SRBD1: variants seen among roughly 807,000 people sequenced by gnomAD.
SRBD1 encodes S1 RNA binding domain 1.
A neutral mutation model predicts 115.3 loss-of-function variants in SRBD1; 88 were observed. The ratio of observed to expected loss-of-function variants is 0.76; its 90% CI spans 0.64 to 0.91. The LOEUF is 0.91. SRBD1 is among the 40% of genes least tolerant of loss of function. The probability of loss-of-function intolerance (pLI) is 0.00; values close to 1 mark genes in which losing one functional copy is unlikely to be tolerated. For synonymous variants in SRBD1, 509 were observed against 407.7 expected, an observed-to-expected ratio of 1.25 and a Z score of -2.99; for missense variants, 1,385 against 1,177.4, an observed-to-expected ratio of 1.18 and a Z score of -2.58.
intron 16 of SRBD1, among the ~76,000 whole-genome samples, chr2:45,450,349 G>A (rs1017656172): frequency 1.3e-5 from 2 of 152,102 alleles, no homozygotes; most frequent in African/African-American, 4.8e-5. Flanking sequence ...TGAAATTGTA[G>A]GTATAATTGA....
In SRBD1 at chr2:45,393,076, T is replaced by A. The variant is rs116583600; in HGVS notation, c.2567A>T (p.Gln856Leu). ...TTCAAGGAATGAATTTATTTTTTGT[T>A]GCATTTCAGGCTTTCCAACCTCATA... ...TLYEVGKPEM[Q>L]QKINSFLEKE... Residue 856 changes from glutamine (Q) to leucine (L), a missense_variant, in exon 20 of 21, where the codon CAA becomes CTA. Coordinates refer to ENST00000263736, the MANE Select transcript of SRBD1 (RefSeq NM_018079.5). 6,812 of 1,613,846 alleles carry A rather than the reference T, an allele frequency of 4.2e-3. 20 individuals are homozygous for A. The highest frequency in any genetic ancestry group is 5.2e-3 in the Non-Finnish European group (6,110 of 1,179,926).
intron 10 of SRBD1, among the ~76,000 whole-genome samples, chr2:45,561,841 T>C (rs922955156): frequency 6.6e-6 from 1 of 152,216 alleles, no homozygotes; most frequent in Non-Finnish European, 1.5e-5. Context: ...AAATATCTAA[T>C]AAATTTAATG....
intron 16 of SRBD1, among the ~76,000 whole-genome samples, chr2:45,427,351 A>G (rs933609596): frequency 1.3e-5 from 2 of 152,142 alleles, no homozygotes; most frequent in Non-Finnish European, 2.9e-5. Context: ...TAGAGTCAAG[A>G]CCCATCAGTG....
chr2:45,462,659 A>G lies in SRBD1; in HGVS notation c.2049+14334T>C, dbSNP rs574005714. Among the ~76,000 whole-genome samples the G allele has an allele frequency of 1.3e-3, 202 of 151,800 alleles. 1 individual carries two copies. Among genetic ancestry groups the G allele is most frequent in the Non-Finnish European group, 2.1e-3 (141 of 67,942 alleles). ...AAACCCCGTCTGTACTAAAAAAAAA[A>G]AAATACAAAAAAAAAAATTAGCCAG... On this transcript the variant is annotated intron_variant, in intron 16 of 20. Coordinates refer to ENST00000263736, the MANE Select transcript of SRBD1 (RefSeq NM_018079.5).
chr2:45,403,559 C>T (rs1667347651), intron 19 of SRBD1, among the ~76,000 whole-genome samples: 1 of 152,126 alleles, frequency 6.6e-6, no homozygotes, highest in Admixed American at 6.6e-5. Flanking sequence ...TTGGAGCTTA[C>T]AGCCAATAAT....
At chr2:45,570,867 TACTC>T (rs1426692676) in intron 9 of SRBD1, among the ~76,000 whole-genome samples, 1 of 152,100 alleles carries the variant, frequency 6.6e-6, no homozygotes, top group Non-Finnish European at 1.5e-5. Flanking sequence ...CCTTGGAACT[TACTC>T]AGGACAGAAG....
intron 19 of SRBD1, among the ~76,000 whole-genome samples, chr2:45,401,402 T>C (rs1013626887): frequency 6.6e-6 from 1 of 152,202 alleles, no homozygotes; most frequent in African/African-American, 2.4e-5. Context: ...TAGCCATAGG[T>C]CTATTAGAAA....
chr2:45,479,691 T>C lies in SRBD1; in HGVS notation c.1967-2616A>G, dbSNP rs112042502. On this transcript the variant is annotated intron_variant, in intron 15 of 20. Coordinates refer to ENST00000263736, the MANE Select transcript of SRBD1 (RefSeq NM_018079.5). ...CAAGGTGAAACAGCAATTGCTGATG[T>C]AGAAGCTGTAGCAAGTTGTCCAGAA... 7.3e-3 allele frequency among the ~76,000 whole-genome samples: 1,114 copies of C among 152,344 alleles called. 15 individuals are homozygous for C. The highest frequency in any genetic ancestry group is 0.026 in the African/African-American group (1,065 of 41,584).
chr2:45,498,880 T>C (rs1001438332), intron 14 of SRBD1, among the ~76,000 whole-genome samples: 1 of 152,262 alleles, frequency 6.6e-6, no homozygotes, highest in South Asian at 2.1e-4. Flanking sequence ...CCACATTTTC[T>C]TTATCCATTC....
rs577069705 is a variant in SRBD1, at chr2:45,478,359, C to T, written c.1967-1284G>A. Among the ~76,000 whole-genome samples, 21 of 152,342 alleles carry T rather than the reference C, an allele frequency of 1.4e-4. No individual in the cohort carries two copies. In the East Asian group the frequency reaches 4.0e-3, roughly 29 times the overall value. ...CTTCTCTAATCAGACATAAGATCTA[C>T]TTATCTACTGTGAACATCAAGTTCA... On this transcript the variant is annotated intron_variant, in intron 15 of 20. Transcript: ENST00000263736.
At position 45,454,474 on chromosome 2, in the gene SRBD1, T is replaced by C. The variant is rs181044109; in HGVS notation, c.2049+22519A>G. 9.2e-4 allele frequency among the ~76,000 whole-genome samples: 140 copies of C among 151,988 alleles called. 1 individual carries two copies. Among genetic ancestry groups the C allele is most frequent in the Middle Eastern group, 6.8e-3 (2 of 294 alleles). On this transcript the variant is annotated intron_variant, in intron 16 of 20. Coordinates refer to ENST00000263736, the MANE Select transcript of SRBD1 (RefSeq NM_018079.5). ...GTTGTACATTTCTTTAGGTACAAAT[T>C]TACTTTTCCACCCAACGGCACTGTG... is the stretch of plus-strand genomic sequence containing the variant.
intron 20 of SRBD1, among the ~76,000 whole-genome samples, chr2:45,389,980 G>T (rs1666952993): frequency 6.6e-6 from 1 of 152,098 alleles, no homozygotes; most frequent in African/African-American, 2.4e-5. Context: ...CAAGAGACTG[G>T]AAGCTTTTTT....
chr2:45,388,974 G>A lies in SRBD1; in HGVS notation c.*336C>T, dbSNP rs1666920987. On this transcript the variant is annotated 3_prime_UTR_variant, in exon 21 of 21. Transcript: ENST00000263736. ...CCCATACAAGTCCAGCAAGGCAGATGTTGGCAAGTAGAAGTTAAGCAATCT... is the reference window on the plus strand; with the variant it reads ...CCCATACAAGTCCAGCAAGGCAGATATTGGCAAGTAGAAGTTAAGCAATCT... 1 of 225,306 alleles carries A rather than the reference G, an allele frequency of 4.4e-6. No homozygotes were observed. The highest frequency in any genetic ancestry group is 5.1e-5 in the Admixed American group (1 of 19,536). 14.0% of individuals were successfully genotyped at this position (225,306 alleles called of 1,614,324 possible).
At chr2:45,472,993 T>G (rs1669696561) in intron 16 of SRBD1, among the ~76,000 whole-genome samples, 1 of 151,920 alleles carries the variant, frequency 6.6e-6, no homozygotes, top group Non-Finnish European at 1.5e-5. Context: ...TGCACATATG[T>G]AAGTTAGAGC....
At chr2:45,527,739 A>C (rs1015369785) in intron 14 of SRBD1, among the ~76,000 whole-genome samples, 2 of 151,918 alleles carry the variant, frequency 1.3e-5, no homozygotes, top group African/African-American at 4.8e-5. Context: ...AGGGAGATTA[A>C]GTAACTTAAG....
chr2:45,396,172 C>T (rs1185359094), intron 19 of SRBD1, among the ~76,000 whole-genome samples: 1 of 151,904 alleles, frequency 6.6e-6, no homozygotes, highest in Non-Finnish European at 1.5e-5. Flanking sequence ...TTGTCCAAGG[C>T]CATGATGTTA....
Position 45,513,421 on chromosome 2 carries a change from G to GA in SRBD1, c.1875-25091dup, listed in dbSNP as rs10658092. The stretch of plus-strand genomic sequence containing the variant: ...CCTCTTCTCCAGAATGCCCCTTAAG[G>GA]AAAAAAAAAAAACAACTGACCAGTT... On this transcript the variant is annotated intron_variant, in intron 14 of 20. Coordinates refer to ENST00000263736, the MANE Select transcript of SRBD1 (RefSeq NM_018079.5). Among the ~76,000 whole-genome samples, 102 of 145,226 alleles carry GA rather than the reference G, an allele frequency of 7.0e-4. 2 individuals carry two copies. Among genetic ancestry groups the GA allele is most frequent in the Middle Eastern group, 3.6e-3 (1 of 274 alleles).
intron 16 of SRBD1, among the ~76,000 whole-genome samples, chr2:45,461,387 A>T (rs1334549680): frequency 6.6e-6 from 1 of 152,222 alleles, no homozygotes; most frequent in Non-Finnish European, 1.5e-5. Flanking sequence ...ACTGCTGGGA[A>T]GATGACCTGT....
chr2:45,431,177 T>C (rs1469336770), intron 16 of SRBD1, among the ~76,000 whole-genome samples: 3 of 152,140 alleles, frequency 2.0e-5, no homozygotes, highest in Non-Finnish European at 4.4e-5. Flanking sequence ...GGAACACTTT[T>C]TGGAACACTT....
Sources: allele counts gnomAD v4.1 joint callset (sites outside exome capture counted in the v4.1 genomes callset), GRCh38; gene constraint gnomAD v4.1.1; transcripts MANE v1.5; gene names NCBI Gene and HGNC (gene_info 2026-07-23, HGNC 2026-07-21).